The following CALN1 variants were observed in gnomAD, a reference collection of about 807,000 sequenced individuals.
CALN1 encodes the protein calcium-binding protein 8.
CALN1 carries 17 observed loss-of-function variants against 30.6 expected under a neutral mutation model. The observed-to-expected ratio is 0.56, with a 90% CI of 0.38 to 0.83. The LOEUF is 0.83. CALN1 is among the 40% of genes least tolerant of loss of function. CALN1 has a pLI of 0.00. For synonymous variants in CALN1, 156 were observed against 131.4 expected, an observed-to-expected ratio of 1.19 and a Z score of -1.28; for missense variants, 291 against 354.9, an observed-to-expected ratio of 0.82 and a Z score of 1.45.
chr7:71,892,390 A>G (rs1793291868), intron 5 of CALN1, among the ~76,000 whole-genome samples: 1 of 152,174 alleles, frequency 6.6e-6, no homozygotes, highest in African/African-American at 2.4e-5. Context: ...TAATCCCAGC[A>G]CTTTGGGAGG....
At chr7:72,167,122 T>C (rs1419348511) in intron 3 of CALN1, among the ~76,000 whole-genome samples, 3 of 152,004 alleles carry the variant, frequency 2.0e-5, no homozygotes, top group African/African-American at 7.2e-5. Context: ...AAAATAAGAA[T>C]TGTTAACATT....
intron 4 of CALN1, among the ~76,000 whole-genome samples, chr7:72,036,702 T>C (rs1395151893): frequency 2.6e-5 from 4 of 152,214 alleles, no homozygotes; most frequent in Admixed American, 1.3e-4. Context: ...TCTTTACTGA[T>C]ATAAACTTAC....
At chr7:72,366,839 G>A (rs948435214) in intron 2 of CALN1, among the ~76,000 whole-genome samples, 3 of 142,404 alleles carry the variant, frequency 2.1e-5, no homozygotes, top group African/African-American at 2.6e-5. Flanking sequence ...CAAAAAAAAA[G>A]GTGTTGACAT....
intron 2 of CALN1, among the ~76,000 whole-genome samples, chr7:72,319,397 C>G (rs1252855628): frequency 6.6e-6 from 1 of 152,158 alleles, no homozygotes; most frequent in East Asian, 1.9e-4. Flanking sequence ...CTTTTAAAAC[C>G]AAGAGACCTC....
intron 5 of CALN1, among the ~76,000 whole-genome samples, chr7:71,881,948 CT>C (rs1395415056): frequency 1.3e-5 from 2 of 151,860 alleles, no homozygotes; most frequent in Non-Finnish European, 2.9e-5. Flanking sequence ...TGGTATATGC[CT>C]GTAGTCCCAG....
At chr7:72,181,688 G>A (rs1409062486) in intron 3 of CALN1, among the ~76,000 whole-genome samples, 1 of 152,124 alleles carries the variant, frequency 6.6e-6, no homozygotes, top group African/African-American at 2.4e-5. Context: ...TGTTGGCCAG[G>A]CTGGTCTCGA....
chr7:72,457,992 G>C, the CALN1 span, among the ~76,000 whole-genome samples: 3 of 150,532 alleles, frequency 2.0e-5, no homozygotes, highest in African/African-American at 7.3e-5. Context: ...CTGGGCTCAA[G>C]CCATCTTCCC....
chr7:71,941,350 C>CAAA (rs397759526), intron 5 of CALN1, among the ~76,000 whole-genome samples: 5 of 128,474 alleles, frequency 3.9e-5, no homozygotes, highest in African/African-American at 1.2e-4. Flanking sequence ...GACTGCATCT[C>CAAA]AAAAAAAAAA....
intron 1 of CALN1, among the ~76,000 whole-genome samples, chr7:72,411,585 T>C (rs546464002): frequency 2.6e-5 from 4 of 152,302 alleles, no homozygotes; most frequent in African/African-American, 9.6e-5. Flanking sequence ...AGCACTCAAA[T>C]TGTAGTCTCA....
intron 5 of CALN1, among the ~76,000 whole-genome samples, chr7:71,955,263 C>A (rs1237537943): frequency 3.3e-5 from 5 of 152,000 alleles, no homozygotes; most frequent in African/African-American, 1.2e-4. Context: ...AGAAACCGTC[C>A]CTGTGATTCA....
chr7:72,194,702 C>T (rs902006487), intron 3 of CALN1, among the ~76,000 whole-genome samples: 1 of 150,484 alleles, frequency 6.6e-6, no homozygotes, highest in African/African-American at 2.4e-5. Flanking sequence ...AGCGATTCTC[C>T]TGCCTCGGCC....
At chr7:72,316,713 A>T (rs1191632097) in intron 2 of CALN1, among the ~76,000 whole-genome samples, 1 of 152,052 alleles carries the variant, frequency 6.6e-6, no homozygotes, top group African/African-American at 2.4e-5. Context: ...AGGTGGGAGG[A>T]TGAGAGGATT....
At chr7:72,179,206 A>C (rs555139111) in intron 3 of CALN1, among the ~76,000 whole-genome samples, 89 of 152,360 alleles carry the variant, frequency 5.8e-4, no homozygotes, top group African/African-American at 2.1e-3. Flanking sequence ...AGATAAGAAA[A>C]ACATTCTATT....
At chr7:72,300,318 C>T (rs1319482435) in intron 2 of CALN1, among the ~76,000 whole-genome samples, 1 of 151,880 alleles carries the variant, frequency 6.6e-6, no homozygotes, top group Admixed American at 6.6e-5. Flanking sequence ...GCCCTTTGAC[C>T]CTGTAACTCT....
intron 2 of CALN1, among the ~76,000 whole-genome samples, chr7:72,302,761 G>A (rs1283531255): frequency 6.6e-6 from 1 of 151,894 alleles, no homozygotes; most frequent in African/African-American, 2.4e-5. Context: ...CAGGTGTGAT[G>A]GTGGGCACCT....
At chr7:71,981,643 C>G (rs1000083394) in intron 5 of CALN1, among the ~76,000 whole-genome samples, 2 of 150,948 alleles carry the variant, frequency 1.3e-5, no homozygotes, top group Admixed American at 6.6e-5. Flanking sequence ...AGCGACAGAG[C>G]GAGACCCTGT....
At chr7:72,019,074 C>T (rs1222666748) in intron 5 of CALN1, among the ~76,000 whole-genome samples, 1 of 151,124 alleles carries the variant, frequency 6.6e-6, no homozygotes, top group African/African-American at 2.4e-5. Context: ...TGGTCTCAAA[C>T]TCCCCGCCTC....
chr7:72,062,996 C>CA (rs1312083867), intron 4 of CALN1, among the ~76,000 whole-genome samples: 1 of 152,124 alleles, frequency 6.6e-6, no homozygotes, highest in Non-Finnish European at 1.5e-5. Context: ...ATAAGGTTAA[C>CA]ATTGTCCTGA....
At chr7:72,308,512 A>T (rs2129556196) in intron 2 of CALN1, among the ~76,000 whole-genome samples, 1 of 152,294 alleles carries the variant, frequency 6.6e-6, no homozygotes, top group African/African-American at 2.4e-5. Flanking sequence ...TACAAGGAAT[A>T]TTTGAAAATG....
Sources: gnomAD v4.1 joint callset for allele counts (sites outside exome capture counted in the v4.1 genomes callset) on GRCh38, gnomAD v4.1.1 for gene constraint, MANE v1.5 for transcripts, NCBI Gene and HGNC (gene_info 2026-07-23, HGNC 2026-07-21) for gene names.